Variants in RAB8B observed in about 807,000 individuals in gnomAD.
The protein encoded by RAB8B is ras-related protein Rab-8B.
In RAB8B, 11 loss-of-function variants were observed where a neutral mutation model predicts 32.0. That is an observed-to-expected ratio of 0.34 (90% CI 0.22 to 0.57). The LOEUF (loss-of-function observed/expected upper bound fraction) is 0.57, where lower values mean the gene tolerates loss of function less well. Among genes scored for constraint, RAB8B ranks in the 20% least tolerant of loss-of-function variants. The pLI is 0.86. For missense variants in RAB8B, 190 were observed against 258.5 expected, an observed-to-expected ratio of 0.73 and a Z score of 1.82; for synonymous variants, 103 against 89.6, an observed-to-expected ratio of 1.15 and a Z score of -0.85.
chr15:63,240,292 G>T (rs1010373481), intron 1 of RAB8B, among the ~76,000 whole-genome samples: 1 of 152,190 alleles, frequency 6.6e-6, no homozygotes, highest in Non-Finnish European at 1.5e-5. Context: ...AATAATCCAT[G>T]CATGAAGTGA....
chr15:63,197,636 A>T (rs962721026), intron 1 of RAB8B, among the ~76,000 whole-genome samples: 1 of 151,830 alleles, frequency 6.6e-6, no homozygotes, highest in Admixed American at 6.6e-5. Flanking sequence ...GGCCTCCCAA[A>T]GTGTTAGCAT....
At chr15:63,208,604 A>G (rs907546167) in intron 1 of RAB8B, among the ~76,000 whole-genome samples, 3 of 152,194 alleles carry the variant, frequency 2.0e-5, no homozygotes, top group Admixed American at 6.5e-5. Flanking sequence ...AAAATTAAAA[A>G]GTGTAAGATT....
At chr15:63,197,524 C>T (rs1044035541) in intron 1 of RAB8B, among the ~76,000 whole-genome samples, 1 of 151,834 alleles carries the variant, frequency 6.6e-6, no homozygotes, top group African/African-American at 2.4e-5. Flanking sequence ...CGGGTGCACA[C>T]TACCATACCT....
At chr15:63,218,592 T>A (rs922683876) in intron 1 of RAB8B, among the ~76,000 whole-genome samples, 2 of 152,232 alleles carry the variant, frequency 1.3e-5, no homozygotes, top group Non-Finnish European at 2.9e-5. Context: ...TATTTCCTCA[T>A]TTAAAGGGCA....
intron 1 of RAB8B, among the ~76,000 whole-genome samples, chr15:63,208,889 G>A (rs955978689): frequency 4.9e-5 from 6 of 122,344 alleles, no homozygotes; most frequent in African/African-American, 1.6e-4. Flanking sequence ...CCACTCCCAC[G>A]ATAATTTTTT....
chr15:63,249,953 G>A (rs1209685959), intron 3 of RAB8B, among the ~76,000 whole-genome samples: 2 of 151,924 alleles, frequency 1.3e-5, no homozygotes, highest in South Asian at 2.1e-4. Flanking sequence ...TGGCTAACAA[G>A]GTGAAACCCC....
At chr15:63,220,679 A>T (rs1197272445) in intron 1 of RAB8B, among the ~76,000 whole-genome samples, 1 of 152,172 alleles carries the variant, frequency 6.6e-6, no homozygotes, top group Non-Finnish European at 1.5e-5. Context: ...GATTCATTCC[A>T]GTAGGATCAA....
At chr15:63,190,807 A>C (rs2037549699) in intron 1 of RAB8B, among the ~76,000 whole-genome samples, 1 of 152,222 alleles carries the variant, frequency 6.6e-6, no homozygotes, top group Non-Finnish European at 1.5e-5. Context: ...TCAGCCAAGG[A>C]AATGAACTTA....
At chr15:63,232,228 A>G (rs1028871092) in intron 1 of RAB8B, among the ~76,000 whole-genome samples, 2 of 152,226 alleles carry the variant, frequency 1.3e-5, no homozygotes, top group East Asian at 3.8e-4. Context: ...CATTTGATAT[A>G]TAGTTATTTA....
intron 1 of RAB8B, among the ~76,000 whole-genome samples, chr15:63,236,289 C>A (rs1303423210): frequency 2.0e-5 from 3 of 152,056 alleles, no homozygotes; most frequent in Non-Finnish European, 2.9e-5. Flanking sequence ...GAGTCATTCC[C>A]TTGGGAATGT....
intron 1 of RAB8B, among the ~76,000 whole-genome samples, chr15:63,217,068 A>G (rs1232664167): frequency 2.0e-5 from 3 of 152,008 alleles, no homozygotes; most frequent in African/African-American, 7.3e-5. Flanking sequence ...ATTTCCTTAT[A>G]TCCTCTGAGC....
intron 3 of RAB8B, among the ~76,000 whole-genome samples, chr15:63,249,978 T>C (rs534875193): frequency 4.7e-4 from 71 of 151,026 alleles, no homozygotes; most frequent in African/African-American, 1.6e-3. Context: ...CTACTAAAAA[T>C]ACAAAAAATT....
At chr15:63,222,100 G>A (rs1253385551) in intron 1 of RAB8B, among the ~76,000 whole-genome samples, 1 of 152,204 alleles carries the variant, frequency 6.6e-6, no homozygotes, top group Non-Finnish European at 1.5e-5. Flanking sequence ...TGCAAGAGGA[G>A]AAAGGGAGAA....
intron 1 of RAB8B, among the ~76,000 whole-genome samples, chr15:63,240,260 A>T (rs9672258): frequency 1.3e-5 from 2 of 152,026 alleles, no homozygotes; most frequent in African/African-American, 4.8e-5. Context: ...ATGTTGGCAC[A>T]GTATCCTGGA....
chr15:63,222,574 G>A (rs1053624844), intron 1 of RAB8B, among the ~76,000 whole-genome samples: 5 of 152,226 alleles, frequency 3.3e-5, no homozygotes, highest in Admixed American at 1.3e-4. Context: ...GTCTCACTCT[G>A]TTGCTCAGGC....
intron 3 of RAB8B, among the ~76,000 whole-genome samples, chr15:63,250,301 T>C (rs2038106884): frequency 6.6e-6 from 1 of 152,216 alleles, no homozygotes; most frequent in Non-Finnish European, 1.5e-5. Context: ...TAATACCTTA[T>C]GGCAGTCGTA....
chr15:63,223,735 T>G (rs1199802347), intron 1 of RAB8B: 7 of 255,980 alleles, frequency 2.7e-5, no homozygotes, highest in Non-Finnish European at 4.9e-5. Context: ...CTGTACTTGG[T>G]TGTTAAGTGA....
At chr15:63,207,425 G>A (rs536982399) in intron 1 of RAB8B, among the ~76,000 whole-genome samples, 3 of 151,778 alleles carry the variant, frequency 2.0e-5, no homozygotes, top group East Asian at 1.9e-4. Context: ...CCCACCCCAC[G>A]GTCAGTTCAT....
chr15:63,210,215 T>C (rs750102571), intron 1 of RAB8B, among the ~76,000 whole-genome samples: 17 of 152,166 alleles, frequency 1.1e-4, no homozygotes, highest in Admixed American at 3.9e-4. Context: ...AAAATCTTCT[T>C]TTTCCCCAGG....
Sources: allele counts gnomAD v4.1 joint callset (sites outside exome capture counted in the v4.1 genomes callset), GRCh38; gene constraint gnomAD v4.1.1; transcripts MANE v1.5; gene names NCBI Gene and HGNC (gene_info 2026-07-23, HGNC 2026-07-21).